The following SLC27A4 variants were observed in gnomAD, a reference collection of about 807,000 sequenced individuals.
SLC27A4 encodes long-chain fatty acid transport protein 4.
In SLC27A4, 33 loss-of-function variants were observed where a neutral mutation model predicts 64.4. The observed-to-expected ratio is 0.51, with a 90% CI of 0.39 to 0.68. The LOEUF (loss-of-function observed/expected upper bound fraction) is 0.68. Ranked by LOEUF, SLC27A4 falls within the 30% of genes least tolerant of loss-of-function variation. The probability of loss-of-function intolerance (pLI) is 0.00; values close to 1 mark genes in which losing one functional copy is unlikely to be tolerated. For synonymous variants in SLC27A4, 377 were observed against 370.0 expected (o/e 1.02, Z -0.22); for missense variants, 824 against 883.5 (o/e 0.93, Z 0.85).
chr9:128,347,004 CA>C (rs962404106), intron 3 of SLC27A4, among the ~76,000 whole-genome samples: 4 of 150,662 alleles, frequency 2.7e-5, no homozygotes, highest in East Asian at 3.9e-4. Flanking sequence ...GGTTACGTGT[CA>C]AAAAAAAAGA....
At position 128,360,721 on chromosome 9, in the gene SLC27A4, C is replaced by T; in HGVS notation, c.*230C>T. On this transcript the variant is annotated 3_prime_UTR_variant, in exon 13 of 13. Coordinates refer to ENST00000300456, the MANE Select transcript of SLC27A4 (RefSeq NM_005094.4). ...TTCCGTCTTCTGGGCTGGGCAGGCCCTCTGGTTCCCAGGCTGAGACTGACG... is the reference window on the plus strand; with the variant it reads ...TTCCGTCTTCTGGGCTGGGCAGGCCTTCTGGTTCCCAGGCTGAGACTGACG... 1.8e-6 allele frequency: 1 copy of T among 561,740 alleles called. No homozygotes were observed. Among genetic ancestry groups the T allele is most frequent in the South Asian group, 2.0e-5 (1 of 50,258 alleles). The allele number at this position is 561,740 out of a possible 1,614,324, so 34.8% of individuals were successfully genotyped here. A position where few individuals can be genotyped will look rare whatever the true frequency, so the allele number is the denominator to read the frequency against.
Position 128,345,927 on chromosome 9 carries a change from G to T in SLC27A4, c.556+378G>T, listed in dbSNP as rs965763079. ...TACTAAGAAATTTTTTTGAGACAGG[G>T]TCTTGCCCTGTCACCCAGGCTGGAG... On this transcript the variant is annotated intron_variant, in intron 3 of 12. Transcript: ENST00000300456. This position sits in a 1 kb window ranked among gnomAD's most constrained non-coding sequence, Gnocchi z 4.1. Among the ~76,000 whole-genome samples the T allele has an allele frequency of 3.9e-5, 6 of 152,152 alleles. No individual in the cohort carries two copies. Among genetic ancestry groups the T allele is most frequent in the African/African-American group, 1.2e-4 (5 of 41,432 alleles).
At position 128,355,798 on chromosome 9, in the gene SLC27A4, T is replaced by C. The variant is rs776973304; in HGVS notation, c.1774+2T>C. On this transcript the variant is annotated splice_donor_variant, in intron 12 of 12. Coordinates refer to ENST00000300456, the MANE Select transcript of SLC27A4 (RefSeq NM_005094.4). LOFTEE classifies it high-confidence loss of function. The stretch of plus-strand genomic sequence containing the variant: ...TCCTGCCTGAGCTGCACAAAACAGG[T>C]GTGTCCCTCCCCTGCTCCAGCTCTC... 3 of 1,613,048 alleles carry C rather than the reference T, an allele frequency of 1.9e-6. No homozygotes were observed. Among genetic ancestry groups the C allele is most frequent in the Non-Finnish European group, 1.7e-6 (2 of 1,180,012 alleles).
At position 128,341,402 on chromosome 9, in the gene SLC27A4, C is replaced by T. The variant is rs1457580136; in HGVS notation, c.-7+564C>T. 3.3e-5 allele frequency among the ~76,000 whole-genome samples: 5 copies of T among 152,224 alleles called. No homozygotes were observed. The East Asian group carries it at 9.6e-4, about 29-fold the overall frequency. On this transcript the variant is annotated intron_variant, in intron 1 of 12. Transcript: ENST00000300456. ...ACCCAAGAGTCCTAGCTCAACCCAG[C>T]CCCTGAAGCACAGTCAAGTCATTCG...
chr9:128,355,520 C>G lies in SLC27A4; in HGVS notation c.1585C>G (p.Leu529Val). 1 of 1,612,858 alleles carries G rather than the reference C, an allele frequency of 6.2e-7. No homozygotes were observed. Among genetic ancestry groups the G allele is most frequent in the Non-Finnish European group, 8.5e-7 (1 of 1,180,032 alleles). The change falls in exon 11 of 13, where the codon CTG becomes GTG. Residue 529 changes from leucine to valine, a missense_variant. Transcript: ENST00000300456. ...GGTGGAAGGCACACTCAGCCGCCTG[C>G]TGGACATGGCTGACGTGGCCGTGTA... Reference protein sequence around the residue: ...TEVEGTLSRLLDMADVAVYGV... With the variant: ...TEVEGTLSRLVDMADVAVYGV...
chr9:128,358,329 A>G (rs1832849555), intron 12 of SLC27A4, among the ~76,000 whole-genome samples: 1 of 152,230 alleles, frequency 6.6e-6, no homozygotes, highest in African/African-American at 2.4e-5. Flanking sequence ...TGTCCAACAC[A>G]GTAGCCACTA....
Position 128,345,059 on chromosome 9 carries a change from A to T in SLC27A4, c.162-96A>T. On this transcript the variant is annotated intron_variant, in intron 2 of 12. Coordinates refer to ENST00000300456, the MANE Select transcript of SLC27A4 (RefSeq NM_005094.4). This position sits in a 1 kb window ranked among gnomAD's most constrained non-coding sequence, Gnocchi z 4.1. ...AGTGTTGTAGGGGGTCTGGCTCATG[A>T]AGCATAGGCTGGCGAGGCAGCAGCC... 6.7e-7 allele frequency: 1 copy of T among 1,500,802 alleles called. No homozygotes were observed. Among genetic ancestry groups the T allele is most frequent in the Non-Finnish European group, 9.2e-7 (1 of 1,092,338 alleles). The allele number at this position is 1,500,802 out of a possible 1,614,324, so 93.0% of individuals were successfully genotyped here.
intron 1 of SLC27A4, chr9:128,342,763 TAAAAA>T (rs1002823815): frequency 1.3e-5 from 4 of 307,088 alleles, no homozygotes; most frequent in South Asian, 8.0e-5. Flanking sequence ...TTTAAAAACT[TAAAAA>T]AAAAAAGAAC....
At chr9:128,340,926 G>A in intron 1 of SLC27A4, 88 bp downstream of exon 1, 1 of 492,148 alleles carries the variant, frequency 2.0e-6, no homozygotes, top group Non-Finnish European at 3.7e-6. Context: ...CCCAGGTGGG[G>A]GGCGCGCCCT....
chr9:128,351,478 A>G (rs1280321369), intron 6 of SLC27A4, among the ~76,000 whole-genome samples: 1 of 152,102 alleles, frequency 6.6e-6, no homozygotes. Flanking sequence ...TAATCCCAAC[A>G]CTTTGGGAGG....
In SLC27A4 at chr9:128,352,751, A is replaced by C; in HGVS notation, c.987+4A>C. ...TTGTATCAAGTACAACTGCACGGTG[A>C]GCGAGAGCGGGAAGGGTGAGCTGTC... is the stretch of plus-strand genomic sequence containing the variant. On this transcript the variant is annotated splice_donor_region_variant and intron_variant, in intron 7 of 12. Coordinates refer to ENST00000300456, the MANE Select transcript of SLC27A4 (RefSeq NM_005094.4). 3 of 1,605,946 alleles carry C rather than the reference A, an allele frequency of 1.9e-6. No individual in the cohort carries two copies. The highest frequency in any genetic ancestry group is 2.6e-6 in the Non-Finnish European group (3 of 1,172,560).
At chr9:128,348,782 C>T (rs956158554) in intron 4 of SLC27A4, 79 bp downstream of exon 4, 2 of 1,465,206 alleles carry the variant, frequency 1.4e-6, no homozygotes, top group Middle Eastern at 1.7e-4. Context: ...CAGAAGGAGG[C>T]TTTTCTGGAA....
intron 3 of SLC27A4, among the ~76,000 whole-genome samples, chr9:128,347,306 G>GC (rs1832671354): frequency 1.3e-5 from 2 of 152,178 alleles, no homozygotes. Context: ...TTTGTGAGGA[G>GC]CTCACCCAAG....
intron 1 of SLC27A4, 90 bp downstream of exon 1, chr9:128,340,928 G>T: frequency 2.0e-6 from 1 of 488,940 alleles, no homozygotes; most frequent in South Asian, 2.7e-5. Context: ...CAGGTGGGGG[G>T]CGCGCCCTGC....
At chr9:128,344,805 T>C (rs1832628793) in intron 2 of SLC27A4, among the ~76,000 whole-genome samples, 1 of 152,178 alleles carries the variant, frequency 6.6e-6, no homozygotes. Flanking sequence ...AGGAGGTTTC[T>C]GCTGGAGCAG....
At position 128,348,662 on chromosome 9, in the gene SLC27A4, C is replaced by T; in HGVS notation, c.674C>T (p.Ala225Val). 1 of 1,614,094 alleles carries T rather than the reference C, an allele frequency of 6.2e-7. No individual in the cohort carries two copies. Among genetic ancestry groups the T allele is most frequent in the Non-Finnish European group, 8.5e-7 (1 of 1,180,042 alleles). The change falls in exon 4 of 13, where the codon GCT (alanine) becomes GTT (valine). Residue 225 changes from alanine to valine, a missense_variant. Transcript: ENST00000300456. ...CACCTGGACCCTCTGCTGAAAGATG[C>T]TCCCAAGCACCTTCCCAGTTGCCCT... ...TEHLDPLLKD[A>V]PKHLPSCPDK...
rs1435842473 is a variant in SLC27A4, at chr9:128,343,156, G to C, written c.24G>C (p.Val8=). The change falls in exon 2 of 13, where the codon GTG becomes GTC. Residue 8 remains valine (V), a synonymous_variant. Transcript: ENST00000300456. MLLGASL[V]GVLLFSKLVL... ...CAATGCTGCTTGGAGCCTCTCTGGT[G>C]GGGGTGCTGCTGTTCTCCAAGCTGG... 1 of 1,613,912 alleles carries C rather than the reference G, an allele frequency of 6.2e-7. No individual in the cohort carries two copies. Among genetic ancestry groups the C allele is most frequent in the African/African-American group, 1.3e-5 (1 of 75,022 alleles).
intron 6 of SLC27A4, among the ~76,000 whole-genome samples, chr9:128,352,399 G>A (rs1192612780): frequency 2.0e-5 from 3 of 152,162 alleles, no homozygotes; most frequent in Admixed American, 2.0e-4. Context: ...GGTGCTTAGA[G>A]TCGGGTGTAT....
At chr9:128,354,959 A>AG in intron 9 of SLC27A4, 94 bp from the exon 10 acceptor site, 1 of 1,253,684 alleles carries the variant, frequency 8.0e-7, no homozygotes, top group Non-Finnish European at 1.1e-6. Context: ...GTCTCAAAAA[A>AG]AAAAAAAAAA....
Sources: allele counts gnomAD v4.1 joint callset (sites outside exome capture counted in the v4.1 genomes callset), GRCh38; gene constraint gnomAD v4.1.1; non-coding constraint Gnocchi (gnomAD v3.1); transcripts MANE v1.5; gene names NCBI Gene and HGNC (gene_info 2026-07-23, HGNC 2026-07-21).